SERAC1: variants seen among roughly 807,000 people sequenced by gnomAD.
SERAC1 encodes the protein protein SERAC1.
Under a neutral mutation model 85.7 loss-of-function variants are expected in SERAC1, and 36 were observed. That is an observed-to-expected ratio of 0.42 (90% CI 0.32 to 0.55). SERAC1 has a LOEUF of 0.55. Ranked by LOEUF, SERAC1 falls within the 20% of genes least tolerant of loss-of-function variation. SERAC1 has a pLI of 0.11. For synonymous variants in SERAC1, 242 were observed against 265.3 expected (o/e 0.91, Z 0.85); for missense variants, 629 against 796.2 (o/e 0.79, Z 2.53).
chr6:158,158,378 A>G lies in SERAC1; in HGVS notation c.-1-14T>C. On this transcript the variant is annotated splice_polypyrimidine_tract_variant and intron_variant, in intron 1 of 16. Transcript: ENST00000647468. ...GCCAGGGACATTCTGTGTAAGTAGA[A>G]CAATTACAACAAATTTAATTTAGCA... 6.4e-7 allele frequency: 1 copy of G among 1,574,342 alleles called. No homozygotes were observed. Among genetic ancestry groups the G allele is most frequent in the Admixed American group, 1.7e-5 (1 of 59,386 alleles).
At chr6:158,142,118 A>AAGAATATC (rs1203100002) in intron 8 of SERAC1, among the ~76,000 whole-genome samples, 1 of 152,154 alleles carries the variant, frequency 6.6e-6, no homozygotes, top group Non-Finnish European at 1.5e-5. Flanking sequence ...ATAACACCCC[A>AAGAATATC]AGAATATCAG....
chr6:158,124,183 G>T (rs1222609850), intron 10 of SERAC1, among the ~76,000 whole-genome samples: 9 of 152,126 alleles, frequency 5.9e-5, no homozygotes, highest in African/African-American at 1.9e-4. Context: ...ATTTGATCAG[G>T]TCTTTGTCCT....
intron 15 of SERAC1, 129 bp downstream of exon 15, chr6:158,114,660 G>C: frequency 3.2e-6 from 2 of 631,506 alleles, no homozygotes; most frequent in Non-Finnish European, 4.0e-6. Context: ...AAATTTCCAT[G>C]AATAGTCTAA....
chr6:158,150,049 G>C lies in SERAC1; in HGVS notation c.265+404C>G, dbSNP rs1182929797. On this transcript the variant is annotated intron_variant, in intron 4 of 16. Coordinates refer to ENST00000647468, the MANE Select transcript of SERAC1 (RefSeq NM_032861.4). ...ACAGATAATTATAATAAATGAGTTG[G>C]CATTCATATTTATGAATATATCTCA... Among the ~76,000 whole-genome samples the C allele has an allele frequency of 2.6e-5, 4 of 152,192 alleles. No individual in the cohort carries two copies. In the East Asian group the frequency reaches 7.7e-4, roughly 29 times the overall value.
intron 2 of SERAC1, among the ~76,000 whole-genome samples, chr6:158,157,573 T>C (rs1380396471): frequency 6.6e-6 from 1 of 152,240 alleles, no homozygotes; most frequent in African/African-American, 2.4e-5. Flanking sequence ...ATTTTGTTTA[T>C]TGTCAAATGA....
rs747948326 is a variant in SERAC1 at position 158,158,317 on chromosome 6, G to T, written c.47C>A (p.Thr16Asn). 11 of 1,613,828 alleles carry T rather than the reference G, an allele frequency of 6.8e-6. No individual in the cohort carries two copies. In the South Asian group the frequency reaches 9.9e-5, roughly 14 times the overall value. Residue 16 changes from threonine to asparagine, a missense_variant, in exon 2 of 17, where the codon ACC (threonine) becomes AAC (asparagine). By Grantham distance (65) the Thr-to-Asn change is moderately conservative (BLOSUM62 0). Transcript: ENST00000647468. ...GCCACTTTTTGGTGGGGAAGTAGAG[G>T]TTCCTATTCTTCTGCAACAGATGAC... ...YCVICCRRIG[T>N]STSPPKSGTH...
At position 158,117,717 on chromosome 6, in the gene SERAC1, C is replaced by T. The variant is rs746928015; in HGVS notation, c.1403+10G>A. 1 of 1,613,860 alleles carries T rather than the reference C, an allele frequency of 6.2e-7. No homozygotes were observed. The highest frequency in any genetic ancestry group is 1.1e-5 in the South Asian group (1 of 91,074). ...TCCCTGTCCTCCTGGTCTAAAGTCG[C>T]CTCTGTTACCTTTCCATAGGGCACC... On this transcript the variant is annotated intron_variant, in intron 13 of 16. Coordinates refer to ENST00000647468, the MANE Select transcript of SERAC1 (RefSeq NM_032861.4). This position sits in a 1 kb window ranked among gnomAD's most constrained non-coding sequence, Gnocchi z 4.3.
Position 158,119,225 on chromosome 6 carries a change from T to TA in SERAC1, c.1167-56dup. 1 of 1,543,002 alleles carries TA rather than the reference T, an allele frequency of 6.5e-7. No homozygotes were observed. The highest frequency in any genetic ancestry group is 8.8e-7 in the Non-Finnish European group (1 of 1,138,592). ...CAGAATAAATGCATTACTGCTTTGG[T>TA]AAGAATCTACACAGCATTCTCTGTG... On this transcript the variant is annotated intron_variant, in intron 11 of 16. Coordinates refer to ENST00000647468, the MANE Select transcript of SERAC1 (RefSeq NM_032861.4). This position sits in a 1 kb window ranked among gnomAD's most constrained non-coding sequence, Gnocchi z 4.5.
intron 5 of SERAC1, 72 bp downstream of exon 5, chr6:158,148,793 A>G: frequency 9.3e-7 from 1 of 1,080,198 alleles, no homozygotes; most frequent in Non-Finnish European, 1.4e-6. Context: ...AATGAAAAAA[A>G]GTATCAGGTT....
chr6:158,133,113 C>T (rs760858423), intron 8 of SERAC1, among the ~76,000 whole-genome samples: 2 of 152,020 alleles, frequency 1.3e-5, no homozygotes, highest in Non-Finnish European at 2.9e-5. Flanking sequence ...TCAAGACCAG[C>T]CTGGTCAATA....
At chr6:158,115,318 C>T (rs1248816984) in intron 14 of SERAC1, among the ~76,000 whole-genome samples, 5 of 152,194 alleles carry the variant, frequency 3.3e-5, no homozygotes, top group Non-Finnish European at 5.9e-5. Flanking sequence ...TCTCAGCCTG[C>T]TATGGCAGAC....
chr6:158,143,104 A>G lies in SERAC1; in HGVS notation c.690T>C (p.Phe230=). Residue 230 remains phenylalanine (F), a synonymous_variant, in exon 8 of 17, where the codon TTT becomes TTC. Coordinates refer to ENST00000647468, the MANE Select transcript of SERAC1 (RefSeq NM_032861.4). The stretch of plus-strand genomic sequence containing the variant: ...TGCTTTCACTAAGAGCCAAAGATGT[A>G]AAATACTGGATACACTCATCTAGCT... ...QTELDECIQY[F]TSLALSESSQ... 6.2e-7 allele frequency: 1 copy of G among 1,613,484 alleles called. No homozygotes were observed. The highest frequency in any genetic ancestry group is 8.5e-7 in the Non-Finnish European group (1 of 1,179,658).
chr6:158,166,604 G>C (rs1785602948), intron 1 of SERAC1, among the ~76,000 whole-genome samples: 1 of 152,142 alleles, frequency 6.6e-6, no homozygotes, highest in Non-Finnish European at 1.5e-5. Flanking sequence ...TTTTTGTTGA[G>C]TCTTTCCATC....
intron 1 of SERAC1, 91 bp from the exon 2 acceptor site, chr6:158,158,455 G>T: frequency 1.1e-6 from 1 of 930,148 alleles, no homozygotes; most frequent in Non-Finnish European, 1.7e-6. Context: ...CATCACAGTG[G>T]ATGACCCACA....
At chr6:158,135,614 T>C (rs1047281677) in intron 8 of SERAC1, among the ~76,000 whole-genome samples, 1 of 146,648 alleles carries the variant, frequency 6.8e-6, no homozygotes, top group African/African-American at 2.4e-5. Flanking sequence ...ATTATACCAA[T>C]ATTAAATTTT....
intron 6 of SERAC1, among the ~76,000 whole-genome samples, chr6:158,145,730 C>T (rs1785040173): frequency 6.6e-6 from 1 of 151,918 alleles, no homozygotes. Context: ...GCCATGTTAG[C>T]CAGGCTGGTC....
At chr6:158,142,327 A>AT (rs910288983) in intron 8 of SERAC1, among the ~76,000 whole-genome samples, 2 of 150,858 alleles carry the variant, frequency 1.3e-5, no homozygotes, top group East Asian at 1.9e-4. Context: ...TGTCCAGCTA[A>AT]TTTTTTTTTA....
In SERAC1 at chr6:158,163,262, C is replaced by T. The variant is rs113847371; in HGVS notation, c.-2+4878G>A. Among the ~76,000 whole-genome samples, 206 of 152,248 alleles carry T rather than the reference C, an allele frequency of 1.4e-3. 1 individual carries two copies. The highest frequency in any genetic ancestry group is 4.7e-3 in the African/African-American group (195 of 41,528). ...TAGCCTTTGGGATGGTTTATAATGC[C>T]TCAAAAAGCTGACATGTAACTTCTA... is the stretch of plus-strand genomic sequence containing the variant. On this transcript the variant is annotated intron_variant, in intron 1 of 16. Transcript: ENST00000647468.
chr6:158,127,349 GC>G (rs1411910684), intron 10 of SERAC1, among the ~76,000 whole-genome samples: 1 of 8,370 alleles, frequency 1.2e-4, no homozygotes, highest in Non-Finnish European at 2.6e-4. Flanking sequence ...TGCCCGGCCA[GC>G]CGCCCCGTCC....
Sources: gnomAD v4.1 joint callset for allele counts (sites outside exome capture counted in the v4.1 genomes callset) on GRCh38, gnomAD v4.1.1 for gene constraint, Gnocchi (gnomAD v3.1) non-coding constraint, MANE v1.5 for transcripts, NCBI Gene and HGNC (gene_info 2026-07-23, HGNC 2026-07-21) for gene names.